NEB: variants seen among roughly 807,000 people sequenced by gnomAD.
NEB encodes the protein nemaline myopathy type 2.
In NEB, 512 loss-of-function variants were observed where a neutral mutation model predicts 952.2. That is an observed-to-expected ratio of 0.54 (90% CI 0.50 to 0.58). The LOEUF (loss-of-function observed/expected upper bound fraction) is 0.58. Ranked by LOEUF, NEB falls within the 20% of genes least tolerant of loss-of-function variation. NEB has a pLI of 0.00. For synonymous variants in NEB, 2,900 were observed against 3,149.8 expected (o/e 0.92, Z 2.66); for missense variants, 8,428 against 9,231.1 (o/e 0.91, Z 3.56).
rs749548260 is a variant in NEB at position 151,493,760 on chromosome 2, T to C, written c.24672+15A>G. The stretch of plus-strand genomic sequence containing the variant: ...TGTTAAGATTTTAAGGATTTATTTT[T>C]CCTTTCTAAAATACCGAGCTAAAGT... On this transcript the variant is annotated intron_variant, in intron 175 of 181. Transcript: ENST00000397345. The C allele has an allele frequency of 6.6e-7, 1 of 1,510,092 alleles. No individual in the cohort carries two copies. The highest frequency in any genetic ancestry group is 1.2e-5 in the South Asian group (1 of 83,144). The allele number at this position is 1,510,092 out of a possible 1,614,324, so 93.5% of individuals were successfully genotyped here.
chr2:151,668,319 T>C (rs2099245498), intron 39 of NEB, among the ~76,000 whole-genome samples: 1 of 152,144 alleles, frequency 6.6e-6, no homozygotes, highest in African/African-American at 2.4e-5. Flanking sequence ...ATACTAAAAC[T>C]AAAAATCCAG....
intron 40 of NEB, among the ~76,000 whole-genome samples, chr2:151,667,175 GA>G: frequency 6.8e-6 from 1 of 147,618 alleles, no homozygotes; most frequent in South Asian, 2.2e-4. Flanking sequence ...TATTTCCATG[GA>G]TTTTTTTTCT....
intron 10 of NEB, among the ~76,000 whole-genome samples, chr2:151,714,535 C>G (rs1468064661): frequency 4.6e-5 from 7 of 152,098 alleles, no homozygotes; most frequent in Non-Finnish European, 7.3e-5. Context: ...CTGAAGGCTC[C>G]CGTGTGTGCA....
Position 151,719,736 on chromosome 2 carries a change from G to A in NEB, c.718-2216C>T, listed in dbSNP as rs548008246. Among the ~76,000 whole-genome samples, 63 of 152,072 alleles carry A rather than the reference G, an allele frequency of 4.1e-4. No homozygotes were observed. In the South Asian group the frequency reaches 6.7e-3, roughly 16 times the overall value. ...TCTACCAAAAATACAAAAATTAGCC[G>A]GGTGTGGTGGTGTGCACCTGTAGTC... On this transcript the variant is annotated intron_variant, in intron 9 of 181. Coordinates refer to ENST00000397345, the MANE Select transcript of NEB (RefSeq NM_001164508.2).
chr2:151,539,383 C>G (rs2093702461), intron 138 of NEB, among the ~76,000 whole-genome samples: 1 of 152,162 alleles, frequency 6.6e-6, no homozygotes. Context: ...CTTCTCTTCT[C>G]CAAATAAAAA....
chr2:151,614,117 G>A (rs1381749773), intron 77 of NEB, among the ~76,000 whole-genome samples, 159 bp downstream of exon 77: 1 of 152,110 alleles, frequency 6.6e-6, no homozygotes, highest in Non-Finnish European at 1.5e-5. Context: ...AATATGATTG[G>A]TTTCTTCTGA....
Position 151,609,902 on chromosome 2 carries a change from G to A in NEB, c.12237C>T (p.Asp4079=). 2 of 1,613,788 alleles carry A rather than the reference G, an allele frequency of 1.2e-6. No homozygotes were observed. The highest frequency in any genetic ancestry group is 1.7e-6 in the Non-Finnish European group (2 of 1,179,788). The change falls in exon 81 of 182, where the codon GAC becomes GAT. Residue 4079 remains aspartate (D), a synonymous_variant. Coordinates refer to ENST00000397345, the MANE Select transcript of NEB (RefSeq NM_001164508.2). ...CATGCAGGTAATTGCGATAATCAATGTCAGTGACCAAAGTCTGACATTTCT... is the reference window on the plus strand; with the variant it reads ...CATGCAGGTAATTGCGATAATCAATATCAGTGACCAAAGTCTGACATTTCT... ...LAKKCQTLVT[D]IDYRNYLHEW...
At chr2:151,547,854 T>C in intron 131 of NEB, 116 bp from the exon 132 acceptor site, 1 of 697,602 alleles carries the variant, frequency 1.4e-6, no homozygotes, top group South Asian at 2.0e-5. Context: ...ATCGAGGATA[T>C]AGAAAATGAT....
intron 9 of NEB, among the ~76,000 whole-genome samples, chr2:151,720,728 A>G (rs1465276744): frequency 6.6e-6 from 1 of 152,070 alleles, no homozygotes; most frequent in African/African-American, 2.4e-5. Context: ...TTCCTTTTCA[A>G]CTTCGCTGTT....
rs1441939707 is a variant in NEB, at chr2:151,716,216, G to C, written c.822+1200C>G. 8.2e-6 allele frequency: 3 copies of C among 365,178 alleles called. No homozygotes were observed. In the East Asian group the frequency reaches 2.4e-4, roughly 29 times the overall value. The allele number at this position is 365,178 out of a possible 1,614,324, so 22.6% of individuals were successfully genotyped here. On this transcript the variant is annotated intron_variant, in intron 10 of 181. Coordinates refer to ENST00000397345, the MANE Select transcript of NEB (RefSeq NM_001164508.2). Reference sequence around the variant, plus strand: ...TGTAATGGCACAATCTTGGCTCACTGCAACCTCCGCTTCCCGGGATCAAGT... The same window carrying C: ...TGTAATGGCACAATCTTGGCTCACTCCAACCTCCGCTTCCCGGGATCAAGT...
chr2:151,656,837 C>T (rs2099090378), intron 48 of NEB, among the ~76,000 whole-genome samples: 4 of 140,578 alleles, frequency 2.8e-5, no homozygotes, highest in Admixed American at 2.7e-4. Flanking sequence ...GTAAAAAGAA[C>T]ACAGAAGATG....
intron 10 of NEB, among the ~76,000 whole-genome samples, chr2:151,711,452 G>T (rs989890286): frequency 2.0e-5 from 3 of 152,184 alleles, no homozygotes; most frequent in Admixed American, 6.5e-5. Context: ...TGTCTTTCTG[G>T]TATACCTTTA....
chr2:151,678,980 C>T (rs1196003220), intron 32 of NEB, among the ~76,000 whole-genome samples: 2 of 152,040 alleles, frequency 1.3e-5, no homozygotes, highest in Non-Finnish European at 2.9e-5. Context: ...TCTGGGAAGT[C>T]AAAAGGAAGG....
At chr2:151,565,169 C>T (rs1323631184) in intron 116 of NEB, 21 bp from the exon 117 acceptor site, 2 of 1,174,538 alleles carry the variant, frequency 1.7e-6, no homozygotes, top group East Asian at 2.5e-5. Context: ...AAAACCAAAT[C>T]TTTTATTACT....
At chr2:151,553,540 T>C (rs1234331253) in intron 126 of NEB, 38 bp from the exon 127 acceptor site, 2 of 1,349,594 alleles carry the variant, frequency 1.5e-6, no homozygotes, top group Non-Finnish European at 2.1e-6. Context: ...AAAAAAAAAA[T>C]TGACCATAAT....
intron 36 of NEB, among the ~76,000 whole-genome samples, chr2:151,673,788 C>T (rs1419343080): frequency 2.9e-5 from 4 of 139,468 alleles, no homozygotes; most frequent in Non-Finnish European, 6.0e-5. Flanking sequence ...GGCTGGAGTG[C>T]AGTGGCGCAA....
chr2:151,627,871 A>C, intron 68 of NEB, 37 bp from the exon 69 acceptor site: 1 of 1,595,610 alleles, frequency 6.3e-7, no homozygotes, highest in Non-Finnish European at 8.6e-7. Context: ...ATAAAAATGA[A>C]TAGAAAGGCT....
intron 12 of NEB, among the ~76,000 whole-genome samples, chr2:151,707,821 TCC>T (rs2099719763): frequency 6.6e-6 from 1 of 152,080 alleles, no homozygotes; most frequent in Non-Finnish European, 1.5e-5. Flanking sequence ...CAGCTTGGTA[TCC>T]AAAGGCAAGA....
At position 151,639,316 on chromosome 2, in the gene NEB, A is replaced by G; in HGVS notation, c.8958T>C (p.Ile2986=). ...QIHIMPDTPE[I]MLARMNKINY... ...TGATTTTGTTCATTCTTGCCAACAT[A>G]ATTTCTGGTGTGTCTGGCATTATGT... The change falls in exon 63 of 182, where the codon ATT becomes ATC. Residue 2986 remains isoleucine, a synonymous_variant. Coordinates refer to ENST00000397345, the MANE Select transcript of NEB (RefSeq NM_001164508.2). 6.5e-7 allele frequency: 1 copy of G among 1,544,444 alleles called. No individual in the cohort carries two copies. Among genetic ancestry groups the G allele is most frequent in the East Asian group, 2.4e-5 (1 of 41,118 alleles).
Sources: allele counts gnomAD v4.1 joint callset (sites outside exome capture counted in the v4.1 genomes callset), GRCh38; gene constraint gnomAD v4.1.1; transcripts MANE v1.5; gene names NCBI Gene and HGNC (gene_info 2026-07-23, HGNC 2026-07-21).